Variants in FLI1 observed in about 807,000 individuals in gnomAD.
The protein encoded by FLI1 is Fli-1 proto-oncogene, ETS transcription factor.
Under a neutral mutation model 53.1 loss-of-function variants are expected in FLI1, and 13 were observed. The observed-to-expected ratio is 0.24, with a 90% confidence interval of 0.16 to 0.39. The LOEUF (loss-of-function observed/expected upper bound fraction) is 0.39. Ranked by LOEUF, FLI1 falls within the 10% of genes least tolerant of loss-of-function variation. The probability of loss-of-function intolerance (pLI) is 1.00; values close to 1 mark genes in which losing one functional copy is unlikely to be tolerated. For synonymous variants in FLI1, 244 were observed against 236.7 expected (o/e 1.03, Z -0.28); for missense variants, 424 against 600.5 (o/e 0.71, Z 3.07).
Position 128,772,765 on chromosome 11 carries a change from C to T in FLI1, c.386-17C>T, listed in dbSNP as rs771657542. On this transcript the variant is annotated splice_polypyrimidine_tract_variant and intron_variant, in intron 3 of 8. Transcript: ENST00000527786. ...ACCTTCCTGCAGTCCTTGCTAACAA[C>T]GTCTTCTCCTCTGCAGACCCCACAC... The T allele has an allele frequency of 1.1e-5, 17 of 1,611,318 alleles. No individual in the cohort carries two copies. Among genetic ancestry groups the T allele is most frequent in the East Asian group, 4.5e-5 (2 of 44,864 alleles).
chr11:128,748,220 G>A, intron 1 of FLI1: 1 of 973,966 alleles, frequency 1.0e-6, no homozygotes, highest in Non-Finnish European at 1.2e-6. Flanking sequence ...GCAAATAATT[G>A]CAATTGCATC....
intron 3 of FLI1, among the ~76,000 whole-genome samples, chr11:128,771,159 T>C (rs549988476): frequency 6.6e-6 from 1 of 152,316 alleles, no homozygotes; most frequent in Admixed American, 6.5e-5. Context: ...TAAGTAAAAA[T>C]AGGGCTCGCG....
At chr11:128,686,173 G>A (rs966588571), upstream of FLI1, 2 of 361,156 alleles carry the variant, frequency 5.5e-6, no homozygotes, top group African/African-American at 2.1e-5. Context: ...AGGGGCGAGT[G>A]TTGGCAGCTC....
At chr11:128,751,685 C>T (rs1565481898) in intron 1 of FLI1, among the ~76,000 whole-genome samples, 2 of 152,048 alleles carry the variant, frequency 1.3e-5, no homozygotes, top group South Asian at 4.2e-4. Flanking sequence ...CGCCACCACG[C>T]CTGGTTAATT....
At chr11:128,715,919 A>G (rs1034742175) in intron 1 of FLI1, among the ~76,000 whole-genome samples, 4 of 152,250 alleles carry the variant, frequency 2.6e-5, no homozygotes, top group Admixed American at 2.6e-4. Flanking sequence ...GGAAGCCACC[A>G]TCCACTAAGG....
At chr11:128,801,615 A>G (rs1942640414) in intron 5 of FLI1, among the ~76,000 whole-genome samples, 1 of 152,066 alleles carries the variant, frequency 6.6e-6, no homozygotes, top group African/African-American at 2.4e-5. Context: ...ACCCCTCAAC[A>G]CCCCAGATGG....
intron 1 of FLI1, among the ~76,000 whole-genome samples, chr11:128,717,487 T>A (rs532610157): frequency 6.6e-6 from 1 of 152,146 alleles, no homozygotes; most frequent in Non-Finnish European, 1.5e-5. Context: ...TTCTAAGGCA[T>A]GTAGGTGCTG....
At position 128,758,106 on chromosome 11, in the gene FLI1, G is replaced by T; in HGVS notation, c.19-9G>T. 1 of 1,607,722 alleles carries T rather than the reference G, an allele frequency of 6.2e-7. No homozygotes were observed. Among genetic ancestry groups the T allele is most frequent in the Admixed American group, 1.7e-5 (1 of 59,376 alleles). On this transcript the variant is annotated splice_polypyrimidine_tract_variant and intron_variant, in intron 1 of 8. Transcript: ENST00000527786. ...CACTGGGCTTTCTGTCTCTTCTCTG[G>T]CCCTGCAGGAGGCTCTGTCGGTGGT... is the stretch of plus-strand genomic sequence containing the variant.
At chr11:128,765,815 G>A (rs1276932406) in intron 2 of FLI1, among the ~76,000 whole-genome samples, 1 of 151,972 alleles carries the variant, frequency 6.6e-6, no homozygotes, top group Non-Finnish European at 1.5e-5. Flanking sequence ...GCGTGTGTGT[G>A]CACTGTGTTT....
chr11:128,718,781 G>T (rs1939125272), intron 1 of FLI1, among the ~76,000 whole-genome samples: 1 of 152,166 alleles, frequency 6.6e-6, no homozygotes, highest in Non-Finnish European at 1.5e-5. Flanking sequence ...GTGAATAGCA[G>T]TCGACTGTGT....
intron 1 of FLI1, among the ~76,000 whole-genome samples, chr11:128,714,263 G>C (rs139861629): frequency 1.3e-5 from 2 of 150,492 alleles, no homozygotes; most frequent in South Asian, 2.1e-4. Context: ...TGGAAGATGC[G>C]CTGGCTGGCG....
Position 128,764,677 on chromosome 11 carries a change from C to G in FLI1, c.231-3441C>G, listed in dbSNP as rs1463089452. 5 of 1,537,320 alleles carry G rather than the reference C, an allele frequency of 3.3e-6. No individual in the cohort carries two copies. In the South Asian group the frequency reaches 6.0e-5, roughly 18 times the overall value. ...CGCCAGCTGCCTCATTAAAGAGCAG[C>G]CTTTTATGCTGGGCTTCACCTGTAC... On this transcript the variant is annotated intron_variant, in intron 2 of 8. Coordinates refer to ENST00000527786, the MANE Select transcript of FLI1 (RefSeq NM_002017.5).
intron 5 of FLI1, among the ~76,000 whole-genome samples, chr11:128,799,544 A>G (rs1162362416): frequency 1.3e-5 from 2 of 152,196 alleles, no homozygotes; most frequent in Non-Finnish European, 2.9e-5. Flanking sequence ...TCACTCCACA[A>G]GGCCAATGGC....
At chr11:128,790,311 GAA>G (rs997216495) in intron 5 of FLI1, among the ~76,000 whole-genome samples, 36 of 149,812 alleles carry the variant, frequency 2.4e-4, no homozygotes, top group Non-Finnish European at 3.6e-4. Flanking sequence ...GAGAGAGAGA[GAA>G]AGAACGAGGG....
upstream of FLI1, chr11:128,686,373 G>A (rs1429470398): frequency 6.6e-6 from 3 of 456,298 alleles, no homozygotes; most frequent in South Asian, 3.1e-5. Context: ...AGAGTAAAAG[G>A]ACTGTAGGGA....
chr11:128,761,697 C>A (rs1477230129), intron 2 of FLI1, among the ~76,000 whole-genome samples: 1 of 152,106 alleles, frequency 6.6e-6, no homozygotes, highest in Non-Finnish European at 1.5e-5. Flanking sequence ...GGATACTGAT[C>A]CTGTGCAAAG....
chr11:128,728,593 C>T (rs1390486963), intron 1 of FLI1, among the ~76,000 whole-genome samples: 1 of 152,236 alleles, frequency 6.6e-6, no homozygotes, highest in Non-Finnish European at 1.5e-5. Flanking sequence ...CCCTTGGGCA[C>T]CCAGTATGCC....
At chr11:128,723,992 G>T (rs553564879) in intron 1 of FLI1, among the ~76,000 whole-genome samples, 1 of 140,370 alleles carries the variant, frequency 7.1e-6, no homozygotes, top group Admixed American at 7.6e-5. Context: ...GCTCAGGCTG[G>T]AGTATAGTGG....
chr11:128,724,315 AG>A (rs1282946771), intron 1 of FLI1, among the ~76,000 whole-genome samples: 1 of 152,174 alleles, frequency 6.6e-6, no homozygotes, highest in Non-Finnish European at 1.5e-5. Flanking sequence ...CAGCACGGAA[AG>A]GGTGTGAACA....
Sources: gnomAD v4.1 joint callset for allele counts (sites outside exome capture counted in the v4.1 genomes callset) on GRCh38, gnomAD v4.1.1 for gene constraint, MANE v1.5 for transcripts, NCBI Gene and HGNC (gene_info 2026-07-23, HGNC 2026-07-21) for gene names.